The following MIR2052HG variants were observed in gnomAD, a reference collection of about 807,000 sequenced individuals.
The protein encoded by MIR2052HG is MIR2052 host gene.
chr8:74,669,470 C>A (rs1436785995), intron 2 of MIR2052HG, among the ~76,000 whole-genome samples: 2 of 152,204 alleles, frequency 1.3e-5, no homozygotes, highest in Admixed American at 1.3e-4. Flanking sequence ...CTTCCACTGG[C>A]AGACAGAGAG....
intron 4 of MIR2052HG, among the ~76,000 whole-genome samples, chr8:74,705,285 A>G (rs1809399037): frequency 6.6e-6 from 1 of 152,048 alleles, no homozygotes. Context: ...TACTTTGCAG[A>G]CATTTTTTTT....
At chr8:74,610,452 A>G (rs1368330126) in intron 1 of MIR2052HG, among the ~76,000 whole-genome samples, 2 of 151,986 alleles carry the variant, frequency 1.3e-5, no homozygotes, top group African/African-American at 4.8e-5. Context: ...AAATTAATCT[A>G]TAAATTTCTC....
chr8:74,689,818 T>G (rs557369109), intron 2 of MIR2052HG, among the ~76,000 whole-genome samples: 11 of 152,312 alleles, frequency 7.2e-5, no homozygotes, highest in African/African-American at 2.6e-4. Context: ...AAATGTTTTA[T>G]GCATCTCTCA....
At chr8:74,727,019 A>G (rs553062672) in intron 4 of MIR2052HG, among the ~76,000 whole-genome samples, 10 of 152,340 alleles carry the variant, frequency 6.6e-5, no homozygotes, top group African/African-American at 2.4e-4. Context: ...TTGGGAAAAA[A>G]TCCCGTCTGT....
intron 2 of MIR2052HG, among the ~76,000 whole-genome samples, chr8:74,674,136 TTGTGTGTGTGTGTG>T (rs60255659): frequency 1.4e-5 from 2 of 145,336 alleles, no homozygotes. Flanking sequence ...CCAGAGGTTT[TTGTGTGTGTGTGTG>T]TGTGTGTGTG....
chr8:74,736,187 A>G (rs755043235), intron 4 of MIR2052HG, among the ~76,000 whole-genome samples: 5 of 152,110 alleles, frequency 3.3e-5, no homozygotes, highest in Non-Finnish European at 5.9e-5. Flanking sequence ...GACTCCCAAA[A>G]TACTCCTTTG....
At chr8:74,616,209 A>G (rs113458380) in intron 2 of MIR2052HG, among the ~76,000 whole-genome samples, 14 of 151,874 alleles carry the variant, frequency 9.2e-5, no homozygotes, top group African/African-American at 3.1e-4. Context: ...TAATGGTTGA[A>G]CTAGTTTACA....
At chr8:74,744,379 G>T (rs1398165009) in intron 4 of MIR2052HG, among the ~76,000 whole-genome samples, 2 of 151,400 alleles carry the variant, frequency 1.3e-5, no homozygotes, top group African/African-American at 4.9e-5. Context: ...CAATGTGCAG[G>T]TTAGTTACAT....
chr8:74,662,481 T>C (rs530118482), intron 2 of MIR2052HG, among the ~76,000 whole-genome samples: 5 of 152,100 alleles, frequency 3.3e-5, no homozygotes, highest in African/African-American at 1.2e-4. Flanking sequence ...AAATACCTAG[T>C]GCATGCGGGG....
intron 2 of MIR2052HG, among the ~76,000 whole-genome samples, chr8:74,661,008 G>A (rs930985044): frequency 1.3e-5 from 2 of 152,038 alleles, no homozygotes; most frequent in African/African-American, 4.8e-5. Flanking sequence ...TCTGATGTAG[G>A]ATTTAGACAA....
intron 2 of MIR2052HG, among the ~76,000 whole-genome samples, chr8:74,629,129 T>C (rs929011005): frequency 6.6e-6 from 1 of 152,316 alleles, no homozygotes; most frequent in East Asian, 1.9e-4. Flanking sequence ...CCTAGCATAC[T>C]CTTTCATTAA....
chr8:74,757,771 C>G (rs1337409709), intron 5 of MIR2052HG: 1 of 152,106 alleles, frequency 6.6e-6, no homozygotes, highest in Non-Finnish European at 1.5e-5. Context: ...GATGCCTACT[C>G]CTTGCTTGGG....
At chr8:74,640,224 C>T (rs972386403) in intron 2 of MIR2052HG, among the ~76,000 whole-genome samples, 3 of 151,806 alleles carry the variant, frequency 2.0e-5, no homozygotes, top group Non-Finnish European at 4.4e-5. Context: ...TTTGGGAGGC[C>T]AAGGCAGGTG....
intron 2 of MIR2052HG, among the ~76,000 whole-genome samples, chr8:74,654,177 G>C (rs1025706368): frequency 6.6e-6 from 1 of 152,056 alleles, no homozygotes; most frequent in Non-Finnish European, 1.5e-5. Flanking sequence ...TTTTCAGTTA[G>C]AGGAGTTTCA....
At position 74,603,193 on chromosome 8, in the gene MIR2052HG, T is replaced by G. The variant is rs1586884091; in HGVS notation, n.128+3285T>G. The G allele has an allele frequency of 3.1e-6, 3 of 957,962 alleles. No individual in the cohort carries two copies. The East Asian group carries it at 7.5e-5, about 24-fold the overall frequency. 59.3% of individuals were successfully genotyped at this position (957,962 alleles called of 1,614,324 possible). A position where few individuals can be genotyped will look rare whatever the true frequency, so the allele number is the denominator to read the frequency against. On this transcript the variant is annotated intron_variant and non_coding_transcript_variant, in intron 1 of 6. Transcript: ENST00000523442. ...AGAAACTGAAAATTTACAAACTATT[T>G]AAAACCTGAAATCGCTGACTGTTCA...
At chr8:74,641,545 G>A (rs1355217901) in intron 2 of MIR2052HG, among the ~76,000 whole-genome samples, 1 of 151,724 alleles carries the variant, frequency 6.6e-6, no homozygotes, top group African/African-American at 2.4e-5. Context: ...TTTGCTTTTT[G>A]AATATTACCT....
chr8:74,676,459 A>C (rs1257342865), intron 2 of MIR2052HG, among the ~76,000 whole-genome samples: 9 of 151,964 alleles, frequency 5.9e-5, no homozygotes, highest in Non-Finnish European at 1.2e-4. Flanking sequence ...CAAAGATTAC[A>C]TTAAAAAATA....
chr8:74,744,451 A>C, intron 4 of MIR2052HG, among the ~76,000 whole-genome samples: 1 of 151,874 alleles, frequency 6.6e-6, no homozygotes, highest in Non-Finnish European at 1.5e-5. Flanking sequence ...CATTAGGTAT[A>C]TCTCCCAATG....
At chr8:74,688,806 C>T (rs556444550) in intron 2 of MIR2052HG, among the ~76,000 whole-genome samples, 2 of 152,128 alleles carry the variant, frequency 1.3e-5, no homozygotes, top group African/African-American at 4.8e-5. Flanking sequence ...TTATCCCTCG[C>T]CCCCATCCCA....
Sources: allele counts gnomAD v4.1 joint callset (sites outside exome capture counted in the v4.1 genomes callset), GRCh38; gene constraint gnomAD v4.1.1; transcripts MANE v1.5; gene names NCBI Gene and HGNC (gene_info 2026-07-23, HGNC 2026-07-21).